Variants in EFNA5 observed in about 807,000 individuals in gnomAD.
EFNA5 encodes the protein ephrin A5.
Under a neutral mutation model 22.9 loss-of-function variants are expected in EFNA5, and 5 were observed. That is an observed-to-expected ratio of 0.22 (90% CI 0.11 to 0.46). The LOEUF (loss-of-function observed/expected upper bound fraction) is 0.46, where lower values mean the gene tolerates loss of function less well. Among genes scored for constraint, EFNA5 ranks in the 20% least tolerant of loss-of-function variants. EFNA5 has a pLI of 0.99. For synonymous variants in EFNA5, 113 were observed against 112.2 expected (o/e 1.01, Z -0.04); for missense variants, 237 against 293.3 (o/e 0.81, Z 1.40).
At chr5:107,389,242 C>T (rs539290913) in intron 2 of EFNA5, among the ~76,000 whole-genome samples, 1 of 152,336 alleles carries the variant, frequency 6.6e-6, no homozygotes, top group South Asian at 2.1e-4. Flanking sequence ...CCTCTACTGA[C>T]ATTTACAGTA....
chr5:107,512,198 T>C (rs1249469335), intron 1 of EFNA5, among the ~76,000 whole-genome samples: 1 of 152,210 alleles, frequency 6.6e-6, no homozygotes, highest in Non-Finnish European at 1.5e-5. Context: ...TGAGTCTGTA[T>C]AAGCGCTCAC....
intron 1 of EFNA5, among the ~76,000 whole-genome samples, chr5:107,464,691 A>G (rs1405457309): frequency 2.6e-5 from 4 of 152,172 alleles, no homozygotes; most frequent in Non-Finnish European, 5.9e-5. Flanking sequence ...ATACAATCCC[A>G]GGCAAGAGGG....
intron 1 of EFNA5, among the ~76,000 whole-genome samples, chr5:107,666,297 A>G (rs547513555): frequency 6.6e-6 from 1 of 152,176 alleles, no homozygotes; most frequent in East Asian, 1.9e-4. Context: ...AAGAAGAAAA[A>G]TACTCAAGGG....
intron 1 of EFNA5, among the ~76,000 whole-genome samples, chr5:107,631,293 T>C (rs1257363683): frequency 2.9e-5 from 4 of 138,250 alleles, no homozygotes; most frequent in African/African-American, 1.1e-4. Flanking sequence ...ACACACACTC[T>C]CTGTCTCTCT....
intron 1 of EFNA5, among the ~76,000 whole-genome samples, chr5:107,518,474 A>G (rs1747528999): frequency 6.6e-6 from 1 of 152,068 alleles, no homozygotes; most frequent in African/African-American, 2.4e-5. Context: ...GTGGAGAACA[A>G]TGGAACAGGC....
rs535349822 is a variant in EFNA5, at chr5:107,378,093, T to C, written c.*3162A>G. ...GTTTTGTATCCTGAAAGTCTATTGT[T>C]CTCACTTACAAAAGACATAAGAATC... On this transcript the variant is annotated 3_prime_UTR_variant, in exon 5 of 5. Transcript: ENST00000333274. The C allele has an allele frequency of 6.6e-6, 1 of 152,248 alleles. No individual in the cohort carries two copies. The highest frequency in any genetic ancestry group is 1.5e-5 in the Non-Finnish European group (1 of 68,008). 9.4% of individuals were successfully genotyped at this position (152,248 alleles called of 1,614,324 possible).
intron 1 of EFNA5, among the ~76,000 whole-genome samples, chr5:107,611,639 T>C (rs538233915): frequency 1.3e-5 from 2 of 152,338 alleles, no homozygotes; most frequent in South Asian, 4.1e-4. Context: ...AATATGTGAA[T>C]ATGACAGGAC....
intron 1 of EFNA5, among the ~76,000 whole-genome samples, chr5:107,629,316 T>C (rs1421311079): frequency 1.3e-5 from 2 of 152,118 alleles, no homozygotes; most frequent in Non-Finnish European, 2.9e-5. Flanking sequence ...AAAAAATACA[T>C]TAAGCCCTGT....
intron 1 of EFNA5, among the ~76,000 whole-genome samples, chr5:107,510,921 G>A (rs1006998256): frequency 6.6e-6 from 1 of 151,676 alleles, no homozygotes; most frequent in African/African-American, 2.4e-5. Flanking sequence ...AAACTACATG[G>A]TTAATTCAAC....
At chr5:107,408,920 T>C (rs941040790) in intron 2 of EFNA5, among the ~76,000 whole-genome samples, 2 of 152,244 alleles carry the variant, frequency 1.3e-5, no homozygotes, top group Non-Finnish European at 2.9e-5. Flanking sequence ...TTTGAAAATG[T>C]CATTGTTCTG....
intron 1 of EFNA5, among the ~76,000 whole-genome samples, chr5:107,538,751 G>C (rs200329704): frequency 6.6e-6 from 1 of 152,332 alleles, no homozygotes; most frequent in South Asian, 2.1e-4. Context: ...GTTACTCCAC[G>C]CTATGTTCGT....
intron 1 of EFNA5, among the ~76,000 whole-genome samples, chr5:107,556,753 AAAAT>A (rs35945658): frequency 0.022 from 2,707 of 122,654 alleles, 70 homozygotes; most frequent in African/African-American, 0.081. Flanking sequence ...TCTCAAAATA[AAAAT>A]AAATAAATAA....
At chr5:107,556,568 A>G (rs1307956363) in intron 1 of EFNA5, among the ~76,000 whole-genome samples, 8 of 152,094 alleles carry the variant, frequency 5.3e-5, no homozygotes, top group Non-Finnish European at 1.2e-4. Context: ...CAACATGATG[A>G]AACCCCGTTT....
At chr5:107,665,002 T>C (rs1401250061) in intron 1 of EFNA5, among the ~76,000 whole-genome samples, 2 of 152,202 alleles carry the variant, frequency 1.3e-5, no homozygotes, top group Admixed American at 6.5e-5. Flanking sequence ...TAAATTTATA[T>C]TGAAAACACA....
chr5:107,443,180 G>A (rs1278643679), intron 1 of EFNA5, among the ~76,000 whole-genome samples: 1 of 152,164 alleles, frequency 6.6e-6, no homozygotes. Flanking sequence ...TGGGCAGGAG[G>A]CTGCCCAAAT....
intron 1 of EFNA5, among the ~76,000 whole-genome samples, chr5:107,508,658 A>C (rs1747299951): frequency 6.6e-6 from 1 of 152,228 alleles, no homozygotes; most frequent in Admixed American, 6.5e-5. Flanking sequence ...ATCTTAATTA[A>C]ATAGACTTCT....
At position 107,466,474 on chromosome 5, in the gene EFNA5, G is replaced by C. The variant is rs201494725; in HGVS notation, c.126-38965C>G. ...CCTCAGCAAGTCTCAGTGTCTGCCT[G>C]TTTTAATGATTCATGCACAGGAGAA... On this transcript the variant is annotated intron_variant, in intron 1 of 4. Coordinates refer to ENST00000333274, the MANE Select transcript of EFNA5 (RefSeq NM_001962.3). Among the ~76,000 whole-genome samples the C allele has an allele frequency of 4.6e-5, 7 of 152,154 alleles. No homozygotes were observed. In the East Asian group the frequency reaches 7.7e-4, roughly 17 times the overall value.
intron 1 of EFNA5, among the ~76,000 whole-genome samples, chr5:107,528,964 C>A (rs1318035203): frequency 2.0e-5 from 3 of 152,112 alleles, no homozygotes; most frequent in Non-Finnish European, 1.5e-5. Flanking sequence ...GTATTACTTT[C>A]ATGAAACTTT....
intron 1 of EFNA5, among the ~76,000 whole-genome samples, chr5:107,430,713 G>A (rs544129679): frequency 3.3e-5 from 5 of 151,002 alleles, no homozygotes; most frequent in Admixed American, 2.6e-4. Flanking sequence ...AGTGTTAAGT[G>A]AATTACGGTG....
Sources: allele counts gnomAD v4.1 joint callset (sites outside exome capture counted in the v4.1 genomes callset), GRCh38; gene constraint gnomAD v4.1.1; transcripts MANE v1.5; gene names NCBI Gene and HGNC (gene_info 2026-07-23, HGNC 2026-07-21).